The following NOC2L variants were observed in gnomAD, a reference collection of about 807,000 sequenced individuals.
The protein encoded by NOC2L is NOC2 like nucleolar associated transcriptional repressor, also known as nucleolar complex protein 2 homolog.
In NOC2L, 101 loss-of-function variants were observed where a neutral mutation model predicts 94.2. That is an observed-to-expected ratio of 1.07 (90% CI 0.91 to 1.26). The LOEUF is 1.26. NOC2L is among the 50% of genes most tolerant of loss of function. The pLI is 0.00. For missense variants in NOC2L, 1,076 were observed against 980.1 expected (o/e 1.10, Z -1.31); for synonymous variants, 531 against 413.4 (o/e 1.28, Z -3.45).
At chr1:956,240 C>T (rs192262159) in intron 4 of NOC2L, 25 bp from the exon 5 acceptor site, 6 of 1,610,298 alleles carry the variant, frequency 3.7e-6, no homozygotes, top group African/African-American at 2.7e-5. Context: ...GTACCAGGGG[C>T]GTCAGGGGAG....
chr1:954,801 G>A (rs1486890379), intron 6 of NOC2L, among the ~76,000 whole-genome samples: 4 of 151,430 alleles, frequency 2.6e-5, no homozygotes, highest in Non-Finnish European at 5.9e-5. Context: ...CAGCCTGGGC[G>A]ACAGAGCAAG....
In NOC2L at chr1:946,420, G is replaced by A. The variant is rs1642119305; in HGVS notation, c.1785C>T (p.Val595=). 1 of 1,613,562 alleles carries A rather than the reference G, an allele frequency of 6.2e-7. No individual in the cohort carries two copies. The highest frequency in any genetic ancestry group is 8.5e-7 in the Non-Finnish European group (1 of 1,180,020). ...CSRRQRVSFG[V]SEQQAVEAWE... The stretch of plus-strand genomic sequence containing the variant: ...CACTAACCACTGCCTGCTGCTCAGA[G>A]ACGCCGAAGGAAACCCTCTGGCGGC... Residue 595 remains valine, a synonymous_variant, in exon 15 of 19, where the codon GTC becomes GTT. Coordinates refer to ENST00000327044, the MANE Select transcript of NOC2L (RefSeq NM_015658.4).
intron 6 of NOC2L, among the ~76,000 whole-genome samples, chr1:955,086 CA>C (rs1197630776): frequency 6.6e-6 from 1 of 152,244 alleles, no homozygotes; most frequent in East Asian, 1.9e-4. Context: ...GCTGCCTCGA[CA>C]GGGGTCCCTG....
chr1:944,730 G>A lies in NOC2L; in HGVS notation c.2214C>T (p.Asp738=), dbSNP rs567553301. 169 of 1,600,586 alleles carry A rather than the reference G, an allele frequency of 1.1e-4. No homozygotes were observed. The East Asian group carries it at 2.9e-3, about 27-fold the overall frequency. ...ELQQLAQGPE[D]ELEDLQLSED... is the part of the protein sequence containing the mutation. ...CTGAGAGCTGCAGATCCTCCAGCTC[G>A]TCCTCCGGCCCCTGGGCCAGCTGCT... The change falls in exon 19 of 19, where the codon GAC becomes GAT. Residue 738 remains aspartate (D), a synonymous_variant. Coordinates refer to ENST00000327044, the MANE Select transcript of NOC2L (RefSeq NM_015658.4).
chr1:955,755 C>T (rs1479517681), intron 6 of NOC2L, among the ~76,000 whole-genome samples, 168 bp downstream of exon 6: 2 of 152,206 alleles, frequency 1.3e-5, no homozygotes, highest in African/African-American at 2.4e-5. Flanking sequence ...GCCCCAAGTG[C>T]CCAGCCTCTC....
intron 17 of NOC2L, 33 bp downstream of exon 17, chr1:945,485 A>G (rs199968983): frequency 1.2e-6 from 2 of 1,611,134 alleles, no homozygotes; most frequent in African/African-American, 1.3e-5. Context: ...CTCCAGGCCC[A>G]CCCTTCCCCT....
chr1:957,886 C>G (rs1392631707), intron 2 of NOC2L: 1 of 155,216 alleles, frequency 6.4e-6, no homozygotes, highest in Non-Finnish European at 1.4e-5. Flanking sequence ...CCTATTCACC[C>G]CCTCACTCCT....
At chr1:950,798 G>A (rs1373496298) in intron 12 of NOC2L, among the ~76,000 whole-genome samples, 2 of 151,076 alleles carry the variant, frequency 1.3e-5, no homozygotes, top group East Asian at 3.9e-4. Context: ...TCAGGGCAGG[G>A]CACTGTTCAG....
rs1391446125 is a variant in NOC2L, at chr1:957,218, T to C, written c.235A>G (p.Arg79Gly). 3 of 1,613,690 alleles carry C rather than the reference T, an allele frequency of 1.9e-6. No individual in the cohort carries two copies. Among genetic ancestry groups the C allele is most frequent in the Non-Finnish European group, 2.5e-6 (3 of 1,179,962 alleles). The change falls in exon 3 of 19, where the codon AGA (arginine) becomes GGA (glycine). Residue 79 changes from arginine (R) to glycine (G), a missense_variant. By Grantham distance (125) the Arg-to-Gly change is moderately radical. Around this residue, in one of 3 missense-constraint regions of NOC2L, gnomAD observed 457 missense variants for 386.0 expected, o/e 1.18. Transcript: ENST00000327044. ...HKDQLSRLKD[R>G]DPEFYKFLQE... ...AGGAACTTGTAGAACTCGGGGTCTC[T>C]GTCCTTCAGCCGAGAGAGCTGGTCT...
intron 6 of NOC2L, 120 bp downstream of exon 6, chr1:955,803 C>T: frequency 1.1e-6 from 1 of 876,824 alleles, no homozygotes; most frequent in Non-Finnish European, 1.8e-6. Flanking sequence ...TCTCAGGGTC[C>T]CCAAGAAGAC....
At position 959,218 on chromosome 1, in the gene NOC2L, T is replaced by G; in HGVS notation, c.23A>C (p.Lys8Thr). Reference sequence around the variant, plus strand: ...GGCCCTCGGACCCGCGGCTTACCTCTTGCGGCTCCCCGCAGCTGCCATGAC... The same window carrying G: ...GGCCCTCGGACCCGCGGCTTACCTCGTGCGGCTCCCCGCAGCTGCCATGAC... MAAAGSR[K>T]RRLAELTVDE... Residue 8 changes from lysine to threonine, a missense_variant, in exon 1 of 19, where the codon AAG becomes ACG. By Grantham distance (78) the Lys-to-Thr change is moderately conservative (BLOSUM62 -1). Transcript: ENST00000327044. 1 of 1,608,866 alleles carries G rather than the reference T, an allele frequency of 6.2e-7. No individual in the cohort carries two copies. Among genetic ancestry groups the G allele is most frequent in the Non-Finnish European group, 8.5e-7 (1 of 1,178,426 alleles).
At chr1:950,250 T>C (rs560971562) in intron 12 of NOC2L, among the ~76,000 whole-genome samples, 6 of 149,812 alleles carry the variant, frequency 4.0e-5, no homozygotes, top group South Asian at 2.1e-4. Context: ...TGCAAATGCA[T>C]GCACACAAGT....
In NOC2L at chr1:946,440, G is replaced by A. The variant is rs1642120099; in HGVS notation, c.1765C>T (p.Gln589Ter). The A allele has an allele frequency of 6.2e-7, 1 of 1,613,422 alleles. No individual in the cohort carries two copies. Among genetic ancestry groups the A allele is most frequent in the South Asian group, 1.1e-5 (1 of 91,078 alleles). Residue 589 changes from glutamine (Q) to a stop codon, truncating the protein, a stop_gained, in exon 15 of 19, where the codon CAG becomes TAG. Coordinates refer to ENST00000327044, the MANE Select transcript of NOC2L (RefSeq NM_015658.4). LOFTEE classifies it high-confidence loss of function. ...ENSAYICSRR[Q>*]RVSFGVSEQQ... ...TCAGAGACGCCGAAGGAAACCCTCT[G>A]GCGGCGGCTGCAGATGTATGCCGAG...
At chr1:958,461 G>A (rs977019659) in intron 2 of NOC2L, 5 of 346,384 alleles carry the variant, frequency 1.4e-5, no homozygotes, top group Non-Finnish European at 2.3e-5. Context: ...TGTTGGTCAG[G>A]CTGGTCTCGA....
intron 17 of NOC2L, 116 bp downstream of exon 17, chr1:945,402 G>A: frequency 7.6e-7 from 1 of 1,319,532 alleles, no homozygotes; most frequent in Non-Finnish European, 1.0e-6. Context: ...GCCCCAGCTG[G>A]GCCAGAGACT....
chr1:957,445 T>C (rs1056274089), intron 2 of NOC2L, 172 bp from the exon 3 acceptor site: 3 of 625,040 alleles, frequency 4.8e-6, no homozygotes, highest in Admixed American at 5.6e-5. Context: ...CTCTACAACA[T>C]ACCCTCAAAC....
rs1642425406 is a variant in NOC2L at position 957,095 on chromosome 1, T to A, written c.354+4A>T. On this transcript the variant is annotated splice_donor_region_variant and intron_variant, in intron 3 of 18. Coordinates refer to ENST00000327044, the MANE Select transcript of NOC2L (RefSeq NM_015658.4). ...CCCCCTTCTGGTTTGGCCCACGCCCTCACCTCCAGCACATCTGGCAGGGAG... is the reference window on the plus strand; with the variant it reads ...CCCCCTTCTGGTTTGGCCCACGCCCACACCTCCAGCACATCTGGCAGGGAG... 2 of 1,614,024 alleles carry A rather than the reference T, an allele frequency of 1.2e-6. No homozygotes were observed. The highest frequency in any genetic ancestry group is 1.7e-6 in the Non-Finnish European group (2 of 1,179,994).
rs1327523202 is a variant in NOC2L at position 948,148 on chromosome 1, G to C, written c.1642C>G (p.Leu548Val). The C allele has an allele frequency of 5.7e-6, 9 of 1,589,056 alleles. No individual in the cohort carries two copies. The highest frequency in any genetic ancestry group is 6.8e-6 in the Non-Finnish European group (8 of 1,168,614). The part of the protein sequence containing the change: ...AHCIGFPELV[L>V]PVVLQLKSFL... ...ACACACACCTGCAGGACCACAGGCA[G>C]CACCAGCTCCGGGAAGCCGATGCAG... Residue 548 changes from leucine to valine, a missense_variant, in exon 14 of 19, where the codon CTG becomes GTG. Physicochemically the swap from Leu to Val is conservative, Grantham distance 32. Around this residue, in one of 3 missense-constraint regions of NOC2L, gnomAD observed 615 missense variants for 577.4 expected, o/e 1.07. Coordinates refer to ENST00000327044, the MANE Select transcript of NOC2L (RefSeq NM_015658.4).
intron 11 of NOC2L, among the ~76,000 whole-genome samples, chr1:951,750 G>A (rs756912103): frequency 1.2e-4 from 19 of 152,298 alleles, no homozygotes; most frequent in East Asian, 3.9e-4. Context: ...CAGAACACAC[G>A]CTGGGTGGCA....
Sources: allele counts gnomAD v4.1 joint callset (sites outside exome capture counted in the v4.1 genomes callset), GRCh38; gene constraint gnomAD v4.1.1; regional missense constraint gnomAD v4.1.1; transcripts MANE v1.5; gene names NCBI Gene and HGNC (gene_info 2026-07-23, HGNC 2026-07-21).